Variants in TESK2 observed in about 807,000 individuals in gnomAD.
TESK2 encodes the protein testis associated actin remodelling kinase 2.
TESK2 carries 39 observed loss-of-function variants against 57.1 expected under a neutral mutation model. That is an observed-to-expected ratio of 0.68 (90% confidence interval 0.53 to 0.89). The LOEUF (loss-of-function observed/expected upper bound fraction) is 0.89, where lower values mean the gene tolerates loss of function less well. TESK2 is among the 40% of genes least tolerant of loss of function. TESK2 has a pLI of 0.00. For synonymous variants in TESK2, 249 were observed against 267.9 expected, an observed-to-expected ratio of 0.93 and a Z score of 0.69; for missense variants, 646 against 732.1, an observed-to-expected ratio of 0.88 and a Z score of 1.36.
chr1:45,414,630 T>C (rs1008283802), intron 3 of TESK2, among the ~76,000 whole-genome samples: 12 of 152,228 alleles, frequency 7.9e-5, no homozygotes, highest in African/African-American at 2.4e-4. Flanking sequence ...GTTGGTCTCA[T>C]CACAACCCTA....
chr1:45,450,499 G>A (rs941567909), intron 2 of TESK2, among the ~76,000 whole-genome samples: 30 of 152,012 alleles, frequency 2.0e-4, no homozygotes, highest in African/African-American at 5.6e-4. Flanking sequence ...GCAACAAAAC[G>A]AGACTCACAA....
rs748751819 is a variant in TESK2 at position 45,345,979 on chromosome 1, G to A, written c.895C>T (p.Arg299Cys). Reference protein sequence around the residue: ...FNCCNMDPKLRPSFVEIGKTL... With the variant: ...FNCCNMDPKLCPSFVEIGKTL... Reference sequence around the variant, plus strand: ...TTCCCAATCTCCACAAAAGATGGGCGCAGTTTGGGATCCATCTGTAGGTAT... The same window carrying A: ...TTCCCAATCTCCACAAAAGATGGGCACAGTTTGGGATCCATCTGTAGGTAT... The change falls in exon 10 of 11, where the codon CGC becomes TGC. Residue 299 changes from arginine (R) to cysteine (C), a missense_variant. Transcript: ENST00000372086. 9 of 1,613,898 alleles carry A rather than the reference G, an allele frequency of 5.6e-6. No homozygotes were observed. The highest frequency in any genetic ancestry group is 5.0e-5 in the Admixed American group (3 of 60,008).
intron 3 of TESK2, among the ~76,000 whole-genome samples, chr1:45,390,258 T>C (rs1445677343): frequency 6.6e-6 from 1 of 152,032 alleles, no homozygotes; most frequent in Non-Finnish European, 1.5e-5. Context: ...CGGTGAAATA[T>C]GATCTTTACA....
chr1:45,435,444 T>C (rs541201957), intron 2 of TESK2, among the ~76,000 whole-genome samples: 23 of 151,436 alleles, frequency 1.5e-4, no homozygotes, highest in Admixed American at 1.1e-3. Flanking sequence ...TTTTTTTTTT[T>C]CTAAAGACAG....
At chr1:45,372,493 C>T (rs1399966415) in intron 4 of TESK2, among the ~76,000 whole-genome samples, 1 of 150,802 alleles carries the variant, frequency 6.6e-6, no homozygotes, top group Non-Finnish European at 1.5e-5. Flanking sequence ...GCAGGAGAAT[C>T]GCTTGAACCC....
chr1:45,410,341 C>T (rs1286507702), intron 3 of TESK2, among the ~76,000 whole-genome samples: 3 of 152,000 alleles, frequency 2.0e-5, no homozygotes, highest in Non-Finnish European at 4.4e-5. Context: ...CAGTGGCTCA[C>T]GCCTGTAATC....
At chr1:45,408,882 A>G (rs1649941570) in intron 3 of TESK2, among the ~76,000 whole-genome samples, 2 of 152,072 alleles carry the variant, frequency 1.3e-5, no homozygotes, top group Admixed American at 6.6e-5. Context: ...TTCTGGTTCA[A>G]TTTTTCTCCA....
At chr1:45,381,756 G>GT (rs1293046025) in intron 4 of TESK2, among the ~76,000 whole-genome samples, 2 of 148,052 alleles carry the variant, frequency 1.4e-5, no homozygotes, top group Non-Finnish European at 3.0e-5. Flanking sequence ...TATATTTTCT[G>GT]TTAAAAAAAA....
At chr1:45,436,469 G>A (rs28789981) in intron 2 of TESK2, among the ~76,000 whole-genome samples, 28,109 of 132,782 alleles carry the variant, frequency 0.21, 3,191 homozygotes, top group Middle Eastern at 0.28. Context: ...ATGAGCCACC[G>A]TGCCTGGCCT....
chr1:45,471,583 T>C (rs1652764863), intron 1 of TESK2, among the ~76,000 whole-genome samples: 1 of 151,834 alleles, frequency 6.6e-6, no homozygotes, highest in South Asian at 2.1e-4. Context: ...TTTTTTTGTA[T>C]TTTTAGTGGA....
At chr1:45,424,474 T>C (rs781231) in intron 2 of TESK2, among the ~76,000 whole-genome samples, 233 of 152,310 alleles carry the variant, frequency 1.5e-3, no homozygotes, top group Non-Finnish European at 2.7e-3. Context: ...TCTGTTGTAA[T>C]GTACCTCTTG....
chr1:45,461,233 T>G (rs1415849230), intron 1 of TESK2, among the ~76,000 whole-genome samples: 1 of 151,998 alleles, frequency 6.6e-6, no homozygotes, highest in Non-Finnish European at 1.5e-5. Context: ...CCAGGCACGG[T>G]GGCTCACACC....
At chr1:45,451,811 A>G (rs1651882262) in intron 2 of TESK2, among the ~76,000 whole-genome samples, 1 of 152,090 alleles carries the variant, frequency 6.6e-6, no homozygotes, top group Non-Finnish European at 1.5e-5. Context: ...AGGCAGGCAG[A>G]TCACCTGAGG....
chr1:45,357,778 G>C (rs1019247845), intron 4 of TESK2, among the ~76,000 whole-genome samples: 2 of 151,848 alleles, frequency 1.3e-5, no homozygotes, highest in African/African-American at 4.8e-5. Flanking sequence ...GGCCAAGGCA[G>C]GTGGATTACC....
chr1:45,383,074 C>T (rs528987668), intron 4 of TESK2, among the ~76,000 whole-genome samples: 4 of 152,224 alleles, frequency 2.6e-5, no homozygotes, highest in Admixed American at 1.3e-4. Context: ...TTAATGAGTG[C>T]CATGCTTGTC....
Position 45,455,379 on chromosome 1 carries a change from TACTCTTTA to T in TESK2, c.222+2177_222+2184del, listed in dbSNP as rs775674798. 1.1e-4 allele frequency among the ~76,000 whole-genome samples: 16 copies of T among 152,206 alleles called. 1 individual carries two copies. The highest frequency in any genetic ancestry group is 2.4e-4 in the Non-Finnish European group (16 of 68,036). On this transcript the variant is annotated intron_variant, in intron 2 of 10. Transcript: ENST00000372086. ...CTCCCTGTCCCATGACTTCATCCTGTACTCTTTAACAAATAAACAATTGCCACACTTCG... is the reference window on the plus strand; with the variant it reads ...CTCCCTGTCCCATGACTTCATCCTGTACAAATAAACAATTGCCACACTTCG...
intron 5 of TESK2, among the ~76,000 whole-genome samples, chr1:45,348,360 C>G (rs1647177938): frequency 6.6e-6 from 1 of 152,238 alleles, no homozygotes; most frequent in East Asian, 1.9e-4. Flanking sequence ...GACTATCAGG[C>G]CCCTGGCCTC....
intron 3 of TESK2, among the ~76,000 whole-genome samples, chr1:45,418,049 AG>A (rs1650318296): frequency 6.6e-6 from 1 of 152,228 alleles, no homozygotes; most frequent in African/African-American, 2.4e-5. Flanking sequence ...GAGTAAGAAA[AG>A]GAATGATAAA....
At chr1:45,433,586 C>A (rs888161620) in intron 2 of TESK2, among the ~76,000 whole-genome samples, 10 of 152,168 alleles carry the variant, frequency 6.6e-5, no homozygotes, top group African/African-American at 2.4e-4. Flanking sequence ...ACTTCCAGTT[C>A]CATCTGCGTT....
Sources: allele counts gnomAD v4.1 joint callset (sites outside exome capture counted in the v4.1 genomes callset), GRCh38; gene constraint gnomAD v4.1.1; transcripts MANE v1.5; gene names NCBI Gene and HGNC (gene_info 2026-07-23, HGNC 2026-07-21).